The following FIGNL1 variants were observed in gnomAD, a reference collection of about 807,000 sequenced individuals.
FIGNL1 encodes the protein fidgetin-like protein 1.
Under a neutral mutation model 28.9 loss-of-function variants are expected in FIGNL1, and 11 were observed. The observed-to-expected ratio is 0.38, with a 90% CI of 0.24 to 0.63. The LOEUF is 0.63. FIGNL1 is among the 20% of genes least tolerant of loss of function. The pLI, the probability that FIGNL1 is intolerant of heterozygous loss-of-function variation, is 0.57. For synonymous variants in FIGNL1, 295 were observed against 276.5 expected (o/e 1.07, Z -0.66); for missense variants, 789 against 810.4 (o/e 0.97, Z 0.32).
rs1585093644 is a variant in FIGNL1, at chr7:50,445,817, A to C, written c.1471T>G (p.Cys491Gly). The change falls in exon 4 of 4, where the codon TGT becomes GGT. Residue 491 changes from cysteine (C) to glycine (G), a missense_variant. Cys to Gly is a radical substitution (Grantham distance 159). Transcript: ENST00000433017. ...ATAAATATCACAGCTGGTTGCTGAC[A>C]CCTTGCAACAGCAAACAATGCACGG... ...MVRALFAVAR[C>G]QQPAVIFIDE... 1.2e-6 allele frequency: 2 copies of C among 1,614,208 alleles called. No individual in the cohort carries two copies. Among genetic ancestry groups the C allele is most frequent in the East Asian group, 4.5e-5 (2 of 44,894 alleles).
rs746530770 is a variant in FIGNL1 at position 50,445,867 on chromosome 7, C to A, written c.1421G>T (p.Trp474Leu). ...GACCATTTTCTCCCCCTCACCTACCCATTTAGAAGTTAAGGATGAAGCAGA... is the reference window on the plus strand; with the variant it reads ...GACCATTTTCTCCCCCTCACCTACCAATTTAGAAGTTAAGGATGAAGCAGA... ...SISASSLTSK[W>L]VGEGEKMVRA... The change falls in exon 4 of 4, where the codon TGG (tryptophan) becomes TTG (leucine). Residue 474 changes from tryptophan (W) to leucine (L), a missense_variant. Coordinates refer to ENST00000433017, the MANE Select transcript of FIGNL1 (RefSeq NM_001287492.4). 3.1e-6 allele frequency: 5 copies of A among 1,614,030 alleles called. No individual in the cohort carries two copies. The highest frequency in any genetic ancestry group is 4.2e-6 in the Non-Finnish European group (5 of 1,180,044).
chr7:50,446,721 C>T lies in FIGNL1; in HGVS notation c.567G>A (p.Gln189=). ...SNRLKLLQNA[Q]PPMVTNTART... Reference sequence around the variant, plus strand: ...TAGCAGTGTTAGTCACCATAGGTGGCTGGGCATTCTGAAGGAGTTTCAAAC... The same window carrying T: ...TAGCAGTGTTAGTCACCATAGGTGGTTGGGCATTCTGAAGGAGTTTCAAAC... The change falls in exon 4 of 4, where the codon CAG becomes CAA. Residue 189 remains glutamine (Q), a synonymous_variant. Transcript: ENST00000433017. 1.2e-6 allele frequency: 2 copies of T among 1,614,210 alleles called. No individual in the cohort carries two copies. Among genetic ancestry groups the T allele is most frequent in the Non-Finnish European group, 1.7e-6 (2 of 1,180,040 alleles).
chr7:50,445,509 A>T lies in FIGNL1; in HGVS notation c.1779T>A (p.Ile593=), dbSNP rs1392472977. Residue 593 remains isoleucine (I), a synonymous_variant, in exon 4 of 4, where the codon ATT becomes ATA. Transcript: ENST00000433017. ...KEQCCLSEEE[I]EQIVQQSDAF... ...CATCAGACTGCTGTACAATCTGTTC[A>T]ATTTCTTCTTCACTGAGGCAACACT... 6.2e-7 allele frequency: 1 copy of T among 1,614,164 alleles called. No individual in the cohort carries two copies. The highest frequency in any genetic ancestry group is 8.5e-7 in the Non-Finnish European group (1 of 1,180,020).
At chr7:50,447,570 AG>A (rs1386526813) in intron 3 of FIGNL1, among the ~76,000 whole-genome samples, 2 of 152,164 alleles carry the variant, frequency 1.3e-5, no homozygotes, top group Non-Finnish European at 2.9e-5. Flanking sequence ...TTTTATCTGT[AG>A]GGAAAGCATT....
chr7:50,445,941 T>TA lies in FIGNL1; in HGVS notation c.1346dup (p.Ile450AsnfsTer7), dbSNP rs753340512. 4.3e-6 allele frequency: 7 copies of TA among 1,614,098 alleles called. No homozygotes were observed. In the South Asian group the frequency reaches 6.6e-5, roughly 15 times the overall value. On this transcript the variant is annotated frameshift_variant, in exon 4 of 4. Coordinates refer to ENST00000433017, the MANE Select transcript of FIGNL1 (RefSeq NM_001287492.4). LOFTEE classifies it high-confidence loss of function. ...ACTGACTAGCAATGCACTTGCCAAT[T>TA]AGAGTTTTACCAGTCCCAGGAGGAC... is the stretch of plus-strand genomic sequence containing the variant.
intron 3 of FIGNL1, among the ~76,000 whole-genome samples, chr7:50,447,744 ATTT>A (rs541300651): frequency 6.6e-6 from 1 of 151,078 alleles, no homozygotes; most frequent in Non-Finnish European, 1.5e-5. Flanking sequence ...TTTTATTATT[ATTT>A]TTTTTTGAGA....
rs377263544 is a variant in FIGNL1, at chr7:50,447,230, C to T, written c.58G>A (p.Ala20Thr). The change falls in exon 4 of 4, where the codon GCA (alanine) becomes ACA (threonine). Residue 20 changes from alanine to threonine, a missense_variant. Ala to Thr is a moderately conservative substitution (Grantham distance 58). Transcript: ENST00000433017. Reference sequence around the variant, plus strand: ...CCGGTACATATGCCAGATGTAATTGCGAAGTAATTCTTCTGCCATTCACTC... The same window carrying T: ...CCGGTACATATGCCAGATGTAATTGTGAAGTAATTCTTCTGCCATTCACTC... The part of the protein sequence containing the change: ...HLSEWQKNYF[A>T]ITSGICTGPK... 3.0e-5 allele frequency: 48 copies of T among 1,610,798 alleles called. No homozygotes were observed. Among genetic ancestry groups the T allele is most frequent in the Non-Finnish European group, 3.8e-5 (45 of 1,177,246 alleles).
At position 50,447,018 on chromosome 7, in the gene FIGNL1, T is replaced by C; in HGVS notation, c.270A>G (p.Ala90=). 1 of 1,614,280 alleles carries C rather than the reference T, an allele frequency of 6.2e-7. No homozygotes were observed. Among genetic ancestry groups the C allele is most frequent in the South Asian group, 1.1e-5 (1 of 91,088 alleles). Residue 90 remains alanine (A), a synonymous_variant, in exon 4 of 4, where the codon GCA becomes GCG. Coordinates refer to ENST00000433017, the MANE Select transcript of FIGNL1 (RefSeq NM_001287492.4). The stretch of plus-strand genomic sequence containing the variant: ...TGTCACTATCTGTTTGTTGAGATCC[T>C]GCCAAAGTTAAAATGTTTTCTGCAT... ...NNYAENILTL[A]GSQQTDSDKW...
intron 1 of FIGNL1, 105 bp from the exon 2 acceptor site, chr7:50,449,828 C>T (rs907801982): frequency 6.6e-6 from 1 of 152,294 alleles, no homozygotes; most frequent in Non-Finnish European, 1.5e-5. Context: ...TAAAATACTG[C>T]TTCTTCTGAT....
At chr7:50,448,651 A>G (rs1821464007) in intron 2 of FIGNL1, 1 of 152,230 alleles carries the variant, frequency 6.6e-6, no homozygotes, top group African/African-American at 2.4e-5. Flanking sequence ...CAGTATTTCA[A>G]TTAAATGAAA....
Position 50,445,738 on chromosome 7 carries a change from G to A in FIGNL1, c.1550C>T (p.Ser517Phe), listed in dbSNP as rs867297337. 1 of 1,614,150 alleles carries A rather than the reference G, an allele frequency of 6.2e-7. No individual in the cohort carries two copies. Among genetic ancestry groups the A allele is most frequent in the African/African-American group, 1.3e-5 (1 of 75,016 alleles). ...SQRGDGEHES[S>F]RRIKTEFLVQ... ...TAAAAATTCTGTTTTTATCCTTCTA[G>A]AAGATTCATGCTCACCATCTCCCCG... The change falls in exon 4 of 4, where the codon TCT (serine) becomes TTT (phenylalanine). Residue 517 changes from serine to phenylalanine, a missense_variant. Coordinates refer to ENST00000433017, the MANE Select transcript of FIGNL1 (RefSeq NM_001287492.4).
Position 50,445,387 on chromosome 7 carries a change from T to G in FIGNL1, c.1901A>C (p.Asp634Ala), listed in dbSNP as rs202134695. The G allele has an allele frequency of 1.2e-6, 2 of 1,614,162 alleles. No individual in the cohort carries two copies. The highest frequency in any genetic ancestry group is 1.7e-5 in the Admixed American group (1 of 60,024). ...QTADIATITP[D>A]QVRPIAYIDF... ...AATGTAAGCTATGGGTCGAACTTGA[T>G]CCGGTGTTATGGTAGCAATGTCAGC... The change falls in exon 4 of 4, where the codon GAT becomes GCT. Residue 634 changes from aspartate (D) to alanine (A), a missense_variant. Coordinates refer to ENST00000433017, the MANE Select transcript of FIGNL1 (RefSeq NM_001287492.4).
At position 50,447,370 on chromosome 7, in the gene FIGNL1, C is replaced by T. The variant is rs1821178314; in HGVS notation, c.-10-73G>A. ...AAATACTTTAAATGTAATTTTGAAA[C>T]TTCTGCTAATCTGAAGGAAGGGACA... On this transcript the variant is annotated intron_variant, in intron 3 of 3. Transcript: ENST00000433017. The T allele has an allele frequency of 2.7e-6, 3 of 1,120,416 alleles. No homozygotes were observed. The South Asian group carries it at 5.3e-5, about 20-fold the overall frequency. The allele number at this position is 1,120,416 out of a possible 1,614,324, so 69.4% of individuals were successfully genotyped here. A position where few individuals can be genotyped will look rare whatever the true frequency, so the allele number is the denominator to read the frequency against.
rs1247034526 is a variant in FIGNL1 at position 50,448,800 on chromosome 7, T to A, written c.-120+318A>T. On this transcript the variant is annotated intron_variant, in intron 2 of 3. Transcript: ENST00000433017. The stretch of plus-strand genomic sequence containing the variant: ...CATTTGTCACATTGTAAGTAGGTGT[T>A]CACAAATCTTTGTTTAAAAAACAAT... 1.3e-5 allele frequency: 2 copies of A among 152,230 alleles called. 1 individual carries two copies. Among genetic ancestry groups the A allele is most frequent in the South Asian group, 4.1e-4 (2 of 4,834 alleles). 9.4% of individuals were successfully genotyped at this position (152,230 alleles called of 1,614,324 possible).
Position 50,447,220 on chromosome 7 carries a change from G to T in FIGNL1, c.68C>A (p.Ser23Tyr). The T allele has an allele frequency of 1.9e-6, 3 of 1,612,052 alleles. 1 individual carries two copies. The South Asian group carries it at 3.3e-5, about 18-fold the overall frequency. ...EWQKNYFAIT[S>Y]GICTGPKADA... ...TGCCTTCGGTCCGGTACATATGCCA[G>T]ATGTAATTGCGAAGTAATTCTTCTG... Residue 23 changes from serine to tyrosine, a missense_variant, in exon 4 of 4, where the codon TCT becomes TAT. By Grantham distance (144) the Ser-to-Tyr change is moderately radical. Coordinates refer to ENST00000433017, the MANE Select transcript of FIGNL1 (RefSeq NM_001287492.4).
At position 50,446,758 on chromosome 7, in the gene FIGNL1, G is replaced by C. The variant is rs369169571; in HGVS notation, c.530C>G (p.Pro177Arg). The change falls in exon 4 of 4, where the codon CCG becomes CGG. Residue 177 changes from proline (P) to arginine (R), a missense_variant. Physicochemically the swap from Pro to Arg is moderately radical, Grantham distance 103. Transcript: ENST00000433017. ...AAGGAGTTTCAAACGATTGCTCTCC[G>C]GGAAGTCTTGGGTCCGGTCTCGATC... ...AHDRDRTQDF[P>R]ESNRLKLLQN... is the part of the protein sequence containing the mutation. 3 of 1,614,020 alleles carry C rather than the reference G, an allele frequency of 1.9e-6. No homozygotes were observed. Among genetic ancestry groups the C allele is most frequent in the African/African-American group, 2.7e-5 (2 of 74,906 alleles).
rs746073114 is a variant in FIGNL1, at chr7:50,446,975, A to C, written c.313T>G (p.Ser105Ala). ...CTCATTTTGAAAACATTATTTATTG[A>C]CAATCCAGACTGCCACTTGTCACTA... ...TDSDKWQSGL[S>A]INNVFKMSSV... The change falls in exon 4 of 4, where the codon TCA becomes GCA. Residue 105 changes from serine to alanine, a missense_variant. Ser to Ala is a moderately conservative substitution (Grantham distance 99). Transcript: ENST00000433017. 6.2e-7 allele frequency: 1 copy of C among 1,614,218 alleles called. No homozygotes were observed. Among genetic ancestry groups the C allele is most frequent in the South Asian group, 1.1e-5 (1 of 91,084 alleles).
chr7:50,448,775 C>G (rs1821483684), intron 2 of FIGNL1: 1 of 152,200 alleles, frequency 6.6e-6, no homozygotes, highest in South Asian at 2.1e-4. Context: ...CTTACAAAGA[C>G]ATTTGTCACA....
rs536992458 is a variant in FIGNL1, at chr7:50,449,427, T to C, written c.-429A>G. The C allele has an allele frequency of 6.6e-6, 1 of 152,358 alleles. No homozygotes were observed. The highest frequency in any genetic ancestry group is 6.5e-5 in the Admixed American group (1 of 15,308). 9.4% of individuals were successfully genotyped at this position (152,358 alleles called of 1,614,324 possible). A position where few individuals can be genotyped will look rare whatever the true frequency, so the allele number is the denominator to read the frequency against. On this transcript the variant is annotated 5_prime_UTR_variant, in exon 2 of 4. The change abolishes an upstream ATG in the 5' untranslated region. Transcript: ENST00000433017. ...TGTTCTGATTATTTTAATAATGTCA[T>C]TATCTGTCTTCCTAGACAGTTGGCT...
Sources: gnomAD v4.1 joint callset for allele counts (sites outside exome capture counted in the v4.1 genomes callset) on GRCh38, gnomAD v4.1.1 for gene constraint, MANE v1.5 for transcripts, NCBI Gene and HGNC (gene_info 2026-07-23, HGNC 2026-07-21) for gene names.